The following AFG3L2 variants were observed in gnomAD, a reference collection of about 807,000 sequenced individuals.
The protein encoded by AFG3L2 is AFG3 like matrix AAA peptidase subunit 2.
Under a neutral mutation model 94.5 loss-of-function variants are expected in AFG3L2, and 54 were observed. The observed-to-expected ratio is 0.57, with a 90% CI of 0.46 to 0.72. The LOEUF is 0.72. Ranked by LOEUF, AFG3L2 falls within the 30% of genes least tolerant of loss-of-function variation. The pLI is 0.00. For missense variants in AFG3L2, 754 were observed against 994.9 expected (o/e 0.76, Z 3.26); for synonymous variants, 377 against 365.5 (o/e 1.03, Z -0.36).
Position 12,366,631 on chromosome 18 carries a change from G to C in AFG3L2, c.552+334C>G, listed in dbSNP as rs530436526. ...CATGATAGCACAGAGCAGGGGCAGAGGCTGGCACACGACAGCACAGAGCAG... is the reference window on the plus strand; with the variant it reads ...CATGATAGCACAGAGCAGGGGCAGACGCTGGCACACGACAGCACAGAGCAG... On this transcript the variant is annotated intron_variant, in intron 5 of 16. Transcript: ENST00000269143. Among the ~76,000 whole-genome samples the C allele has an allele frequency of 3.3e-5, 5 of 152,110 alleles. No homozygotes were observed. The East Asian group carries it at 9.7e-4, about 29-fold the overall frequency.
intron 5 of AFG3L2, among the ~76,000 whole-genome samples, chr18:12,365,383 G>C (rs1411957638): frequency 7.9e-5 from 12 of 152,190 alleles, no homozygotes; most frequent in African/African-American, 2.9e-4. Flanking sequence ...CTGAGTGGGA[G>C]TCCCCACTAC....
intron 1 of AFG3L2, among the ~76,000 whole-genome samples, chr18:12,375,278 A>G (rs1180338447): frequency 1.4e-4 from 20 of 143,886 alleles, no homozygotes; most frequent in African/African-American, 5.2e-4. Context: ...TTTAGGAGAC[A>G]GAGTCCGTCA....
At chr18:12,344,400 C>T (rs555777090) in intron 13 of AFG3L2, 153 bp from the exon 14 acceptor site, 39 of 678,944 alleles carry the variant, frequency 5.7e-5, no homozygotes, top group East Asian at 2.0e-4. Context: ...CAAGGCCAGG[C>T]GCAGTGGCTC....
At chr18:12,348,465 A>T (rs1435281914) in intron 12 of AFG3L2, 82 bp from the exon 13 acceptor site, 1 of 1,069,532 alleles carries the variant, frequency 9.3e-7, no homozygotes, top group African/African-American at 1.6e-5. Context: ...CCAAATCCAT[A>T]GTTAATTTTT....
At position 12,336,897 on chromosome 18, in the gene AFG3L2, A is replaced by G. The variant is rs547090664; in HGVS notation, c.2175+444T>C. Among the ~76,000 whole-genome samples the G allele has an allele frequency of 2.0e-5, 3 of 152,358 alleles. No individual in the cohort carries two copies. In the East Asian group the frequency reaches 5.8e-4, roughly 29 times the overall value. On this transcript the variant is annotated intron_variant, in intron 16 of 16. Transcript: ENST00000269143. ...TGTGGAAGTTCATGAGCAAGCCACA[A>G]GCAAGGTAACTTTCACGTACCAATT...
At chr18:12,345,003 ATGGC>A (rs1568137001) in intron 13 of AFG3L2, among the ~76,000 whole-genome samples, 1 of 152,256 alleles carries the variant, frequency 6.6e-6, no homozygotes. Context: ...GCACGCGAAG[ATGGC>A]TGCCATAAGA....
intron 3 of AFG3L2, among the ~76,000 whole-genome samples, chr18:12,369,126 A>T (rs562221376): frequency 1.5e-4 from 23 of 152,198 alleles, no homozygotes; most frequent in Admixed American, 1.3e-3. Flanking sequence ...GAGGCCCAGG[A>T]CTAAAAAACA....
chr18:12,342,562 A>G (rs1417043838), intron 14 of AFG3L2: 2 of 152,160 alleles, frequency 1.3e-5, no homozygotes, highest in African/African-American at 2.4e-5. Flanking sequence ...GATCCCACCT[A>G]TCAACGTTTT....
In AFG3L2 at chr18:12,351,379, G is replaced by A. The variant is rs374874087; in HGVS notation, c.1353C>T (p.Ala451=). The change falls in exon 11 of 17, where the codon GCC becomes GCT. Residue 451 remains alanine (A), a synonymous_variant. Transcript: ENST00000269143. ...FNTTTNVVIL[A]GTNRPDILDP... Reference sequence around the variant, plus strand: ...CCAGGATATCTGGTCGATTGGTGCCGGCCAAAATGACGACATTTGTTGTTG... The same window carrying A: ...CCAGGATATCTGGTCGATTGGTGCCAGCCAAAATGACGACATTTGTTGTTG... 16 of 1,614,038 alleles carry A rather than the reference G, an allele frequency of 9.9e-6. No homozygotes were observed. The highest frequency in any genetic ancestry group is 2.2e-5 in the East Asian group (1 of 44,872).
intron 16 of AFG3L2, among the ~76,000 whole-genome samples, chr18:12,333,095 AATCTATTATATAACTAT>A (rs1907618461): frequency 1.0e-5 from 1 of 100,030 alleles, no homozygotes; most frequent in African/African-American, 4.0e-5. Flanking sequence ...AATAGATTAT[AATCTATTATATAACTAT>A]TATATAATAG....
In AFG3L2 at chr18:12,329,066, A is replaced by G; in HGVS notation, c.*499T>C. ...TAGAAAACCATTCCATTAAGACAGC[A>G]ACAAGTGATCTGGATTCAATCTTTA... On this transcript the variant is annotated 3_prime_UTR_variant, in exon 17 of 17. Transcript: ENST00000269143. The G allele has an allele frequency of 5.7e-6, 4 of 695,862 alleles. No homozygotes were observed. The highest frequency in any genetic ancestry group is 1.5e-5 in the South Asian group (1 of 67,028). 43.1% of individuals were successfully genotyped at this position (695,862 alleles called of 1,614,324 possible).
At chr18:12,333,358 A>G (rs1404704037) in intron 16 of AFG3L2, among the ~76,000 whole-genome samples, 2 of 132,748 alleles carry the variant, frequency 1.5e-5, no homozygotes, top group Non-Finnish European at 3.1e-5. Context: ...ATAATTATAT[A>G]TATATATTTT....
intron 14 of AFG3L2, chr18:12,341,358 A>G: frequency 6.6e-6 from 1 of 152,242 alleles, no homozygotes; most frequent in East Asian, 1.9e-4. Context: ...CAAACATAAC[A>G]TCAAGCCACA....
At chr18:12,356,153 A>ATTT (rs775634147) in intron 9 of AFG3L2, among the ~76,000 whole-genome samples, 1 of 141,430 alleles carries the variant, frequency 7.1e-6, no homozygotes. Context: ...ATAAAGCAAA[A>ATTT]TTTTTTTTTT....
At chr18:12,349,077 T>A (rs889620600) in intron 12 of AFG3L2, among the ~76,000 whole-genome samples, 3 of 152,230 alleles carry the variant, frequency 2.0e-5, no homozygotes, top group Admixed American at 6.5e-5. Flanking sequence ...CTTTTTTTAT[T>A]TCATTTTGCG....
At chr18:12,356,109 A>G (rs1458070039) in intron 9 of AFG3L2, among the ~76,000 whole-genome samples, 2 of 137,288 alleles carry the variant, frequency 1.5e-5, no homozygotes, top group Non-Finnish European at 3.2e-5. Context: ...ATATCTCAAT[A>G]AATGTTGTCA....
chr18:12,348,172 A>T (rs1908205913), intron 13 of AFG3L2, 101 bp downstream of exon 13: 1 of 996,310 alleles, frequency 1.0e-6, no homozygotes, highest in South Asian at 1.3e-5. Flanking sequence ...GGCTGAGTGG[A>T]TACACTTTCT....
chr18:12,344,326 C>T, intron 13 of AFG3L2, 79 bp from the exon 14 acceptor site: 2 of 1,179,442 alleles, frequency 1.7e-6, no homozygotes, highest in Non-Finnish European at 2.5e-6. Flanking sequence ...CAGTGCTATA[C>T]ATTGCCTTAC....
intron 14 of AFG3L2, chr18:12,341,031 T>C (rs1347142164): frequency 6.5e-6 from 1 of 153,360 alleles, no homozygotes; most frequent in Non-Finnish European, 1.4e-5. Flanking sequence ...GTGCTAGGAT[T>C]ACAGGCATGC....
Sources: allele counts gnomAD v4.1 joint callset (sites outside exome capture counted in the v4.1 genomes callset), GRCh38; gene constraint gnomAD v4.1.1; transcripts MANE v1.5; gene names NCBI Gene and HGNC (gene_info 2026-07-23, HGNC 2026-07-21).